Variants in CCM2 observed in about 807,000 individuals in gnomAD.
CCM2 encodes cerebral cavernous malformations 2 protein.
A neutral mutation model predicts 44.9 loss-of-function variants in CCM2; 25 were observed. The observed-to-expected ratio is 0.56, with a 90% CI of 0.41 to 0.78. CCM2 has a LOEUF of 0.78. Ranked by LOEUF, CCM2 falls within the 30% of genes least tolerant of loss-of-function variation. CCM2 has a pLI of 0.00. For synonymous variants in CCM2, 219 were observed against 241.1 expected (o/e 0.91, Z 0.85); for missense variants, 481 against 580.6 (o/e 0.83, Z 1.76).
chr7:45,015,183 A>C (rs1796216360), intron 1 of CCM2, among the ~76,000 whole-genome samples: 1 of 152,222 alleles, frequency 6.6e-6, no homozygotes, highest in Non-Finnish European at 1.5e-5. Context: ...ATTAAACATT[A>C]GAGTTCACAC....
At chr7:45,032,308 T>A (rs982448474) in intron 1 of CCM2, among the ~76,000 whole-genome samples, 7 of 152,088 alleles carry the variant, frequency 4.6e-5, no homozygotes, top group Non-Finnish European at 8.8e-5. Flanking sequence ...AAAATGTTCG[T>A]GATTTGGAGG....
At chr7:45,002,977 A>G (rs969819683) in intron 1 of CCM2, among the ~76,000 whole-genome samples, 3 of 152,206 alleles carry the variant, frequency 2.0e-5, no homozygotes, top group Admixed American at 2.0e-4. Context: ...TGATGTCTAC[A>G]GAGTGTCTAC....
chr7:45,023,131 C>G (rs959638587), intron 1 of CCM2, among the ~76,000 whole-genome samples: 1 of 152,194 alleles, frequency 6.6e-6, no homozygotes, highest in South Asian at 2.1e-4. Context: ...CCACTTTCTC[C>G]CTTTCTAAGT....
chr7:45,074,049 G>T (rs1423494901), intron 8 of CCM2: 1 of 919,262 alleles, frequency 1.1e-6, no homozygotes, highest in Non-Finnish European at 1.6e-6. Flanking sequence ...CAGCTCAGGA[G>T]AGTGGAGCTG....
In CCM2 at chr7:45,000,219, T is replaced by G. The variant is rs1160501577; in HGVS notation, c.-115T>G. On this transcript the variant is annotated 5_prime_UTR_variant, in exon 1 of 10. Transcript: ENST00000258781. ...CCGGGGCGGAGACTTCGGGCCCGGCTGGCGGGCGGCGCCGGGAGCGCGGGG... is the reference window on the plus strand; with the variant it reads ...CCGGGGCGGAGACTTCGGGCCCGGCGGGCGGGCGGCGCCGGGAGCGCGGGG... The G allele has an allele frequency of 8.0e-5, 42 of 522,806 alleles. No homozygotes were observed. The highest frequency in any genetic ancestry group is 1.6e-4 in the Admixed American group (1 of 6,422). 32.4% of individuals were successfully genotyped at this position (522,806 alleles called of 1,614,324 possible). A position where few individuals can be genotyped will look rare whatever the true frequency, so the allele number is the denominator to read the frequency against.
At chr7:45,000,529 T>C (rs1282483570) in intron 1 of CCM2, among the ~76,000 whole-genome samples, 166 bp downstream of exon 1, 1 of 145,518 alleles carries the variant, frequency 6.9e-6, no homozygotes, top group African/African-American at 2.6e-5. Flanking sequence ...TCAGGTGGGC[T>C]TTCGCGGCCG....
At chr7:45,045,742 G>C (rs1305153829) in intron 2 of CCM2, among the ~76,000 whole-genome samples, 1 of 152,182 alleles carries the variant, frequency 6.6e-6, no homozygotes, top group Non-Finnish European at 1.5e-5. Context: ...AGTGAGCCCA[G>C]ATCATGCCGC....
chr7:45,019,906 G>A (rs1796415798), intron 1 of CCM2, among the ~76,000 whole-genome samples: 3 of 152,162 alleles, frequency 2.0e-5, no homozygotes, highest in African/African-American at 4.8e-5. Context: ...TCAAGCTATC[G>A]TGTCCTTTCT....
At chr7:45,074,801 G>A (rs1799263260) in intron 9 of CCM2, among the ~76,000 whole-genome samples, 1 of 152,198 alleles carries the variant, frequency 6.6e-6, no homozygotes, top group South Asian at 2.1e-4. Flanking sequence ...ACTTCAAGGC[G>A]GAAGGACCAG....
chr7:45,042,986 T>C (rs1174709038), intron 2 of CCM2, among the ~76,000 whole-genome samples: 8 of 143,344 alleles, frequency 5.6e-5, no homozygotes, highest in East Asian at 2.0e-4. Context: ...TTTTTTTTTT[T>C]CCTTGAGATA....
chr7:45,073,643 A>T, intron 8 of CCM2, 72 bp downstream of exon 8: 1 of 958,934 alleles, frequency 1.0e-6, no homozygotes, highest in Non-Finnish European at 1.6e-6. Context: ...GGGGAAGGGG[A>T]GGAGGAGGAG....
chr7:45,068,992 C>T (rs117156004), intron 5 of CCM2, among the ~76,000 whole-genome samples: 1 of 152,382 alleles, frequency 6.6e-6, no homozygotes, highest in East Asian at 1.9e-4. Flanking sequence ...CGGCGGTCAC[C>T]TGTGCATCCT....
intron 2 of CCM2, among the ~76,000 whole-genome samples, chr7:45,050,054 G>A (rs142533442): frequency 9.3e-4 from 141 of 152,328 alleles, no homozygotes; most frequent in Admixed American, 2.4e-3. Context: ...GAGATTATAA[G>A]GGAGCTAAAA....
intron 2 of CCM2, among the ~76,000 whole-genome samples, chr7:45,047,749 C>T (rs1797826628): frequency 6.6e-6 from 1 of 152,162 alleles, no homozygotes; most frequent in Non-Finnish European, 1.5e-5. Context: ...GAGGGGTCCT[C>T]ACAGTGATGG....
At chr7:45,070,067 C>A in intron 6 of CCM2, 106 bp downstream of exon 6, 12 of 1,425,632 alleles carry the variant, frequency 8.4e-6, no homozygotes, top group Non-Finnish European at 1.2e-5. Context: ...CAGTTACTGC[C>A]GTGACATGGT....
chr7:45,030,045 C>T (rs1251408726), intron 1 of CCM2, among the ~76,000 whole-genome samples: 2 of 152,152 alleles, frequency 1.3e-5, no homozygotes, highest in African/African-American at 4.8e-5. Context: ...CCTGTGTTCC[C>T]TCCTCCTGGC....
intron 1 of CCM2, among the ~76,000 whole-genome samples, chr7:45,017,030 A>G (rs1796296845): frequency 2.6e-5 from 4 of 152,192 alleles, no homozygotes; most frequent in Admixed American, 2.6e-4. Context: ...CGGCCTCCCA[A>G]AGTGCTGAGA....
At chr7:45,006,936 T>C (rs530873860) in intron 1 of CCM2, among the ~76,000 whole-genome samples, 187 of 152,336 alleles carry the variant, frequency 1.2e-3, no homozygotes, top group African/African-American at 4.3e-3. Flanking sequence ...CCAAGAAGGC[T>C]AATGCACCAG....
At chr7:45,028,130 G>T (rs1796775065) in intron 1 of CCM2, among the ~76,000 whole-genome samples, 1 of 152,178 alleles carries the variant, frequency 6.6e-6, no homozygotes, top group African/African-American at 2.4e-5. Flanking sequence ...TGGATTTGTG[G>T]TCGGGACCCA....
Sources: allele counts gnomAD v4.1 joint callset (sites outside exome capture counted in the v4.1 genomes callset), GRCh38; gene constraint gnomAD v4.1.1; transcripts MANE v1.5; gene names NCBI Gene and HGNC (gene_info 2026-07-23, HGNC 2026-07-21).